The following UBE2K variants were observed in gnomAD, a reference collection of about 807,000 sequenced individuals.
UBE2K encodes the protein ubiquitin conjugating enzyme E2 K.
A neutral mutation model predicts 30.0 loss-of-function variants in UBE2K; 6 were observed. The observed-to-expected ratio is 0.20, with a 90% confidence interval of 0.11 to 0.39. The LOEUF (loss-of-function observed/expected upper bound fraction) is 0.39. Ranked by LOEUF, UBE2K falls within the 10% of genes least tolerant of loss-of-function variation. UBE2K has a pLI of 1.00. For synonymous variants in UBE2K, 86 were observed against 83.7 expected, an observed-to-expected ratio of 1.03 and a Z score of -0.15; for missense variants, 61 against 241.6, an observed-to-expected ratio of 0.25 and a Z score of 4.96.
chr4:39,721,085 C>T (rs1719396220), intron 1 of UBE2K, among the ~76,000 whole-genome samples: 1 of 152,142 alleles, frequency 6.6e-6, no homozygotes, highest in African/African-American at 2.4e-5. Context: ...ATGGACTGTC[C>T]TACGACTGTT....
intron 1 of UBE2K, among the ~76,000 whole-genome samples, chr4:39,698,656 A>T (rs1261068218): frequency 2.0e-5 from 3 of 151,832 alleles, no homozygotes; most frequent in African/African-American, 7.3e-5. Flanking sequence ...CCTCGGAGGG[A>T]TGGAAGCTCA....
intron 4 of UBE2K, among the ~76,000 whole-genome samples, chr4:39,768,178 C>T (rs377018721): frequency 6.6e-6 from 1 of 151,492 alleles, no homozygotes; most frequent in Non-Finnish European, 1.5e-5. Context: ...GTGTCTTACA[C>T]CTGTAATCCC....
chr4:39,778,560 A>C lies in UBE2K; in HGVS notation c.*126A>C. 1 of 512,926 alleles carries C rather than the reference A, an allele frequency of 1.9e-6. No homozygotes were observed. The highest frequency in any genetic ancestry group is 3.4e-6 in the Non-Finnish European group (1 of 294,260). The allele number at this position is 512,926 out of a possible 1,614,324, so 31.8% of individuals were successfully genotyped here. On this transcript the variant is annotated 3_prime_UTR_variant, in exon 7 of 7. Transcript: ENST00000261427. Reference sequence around the variant, plus strand: ...TCTTGCCTAATGATGTTATCTAGGCACCATTGGAGACTGAAAAAAAAAAAT... The same window carrying C: ...TCTTGCCTAATGATGTTATCTAGGCCCCATTGGAGACTGAAAAAAAAAAAT...
chr4:39,726,635 T>TC (rs1719768161), intron 1 of UBE2K, among the ~76,000 whole-genome samples: 1 of 152,086 alleles, frequency 6.6e-6, no homozygotes, highest in Non-Finnish European at 1.5e-5. Flanking sequence ...TCTCACTGTC[T>TC]CCCAGGCTGG....
At chr4:39,716,274 GTCTA>G (rs1366180075) in intron 1 of UBE2K, among the ~76,000 whole-genome samples, 1 of 152,126 alleles carries the variant, frequency 6.6e-6, no homozygotes, top group South Asian at 2.1e-4. Context: ...GTGTCTGTCT[GTCTA>G]TCTATCATCC....
rs116677380 is a variant in UBE2K, at chr4:39,726,904, G to A, written c.64-10516G>A. Among the ~76,000 whole-genome samples, 257 of 152,162 alleles carry A rather than the reference G, an allele frequency of 1.7e-3. 2 individuals carry two copies. Among genetic ancestry groups the A allele is most frequent in the African/African-American group, 6.0e-3 (247 of 41,508 alleles). On this transcript the variant is annotated intron_variant, in intron 1 of 6. Transcript: ENST00000261427. ...GAGCCAATGTACCTGTCCCCTTCTAGATTATTTTGAAACAAATCTTCTGAG... is the reference window on the plus strand; with the variant it reads ...GAGCCAATGTACCTGTCCCCTTCTAAATTATTTTGAAACAAATCTTCTGAG...
At position 39,770,651 on chromosome 4, in the gene UBE2K, C is replaced by T. The variant is rs116715456; in HGVS notation, c.300-4183C>T. On this transcript the variant is annotated intron_variant, in intron 4 of 6. Transcript: ENST00000261427. ...CGTTCTCCGACAGGCTATAGCAGGCCTTCACCACACCCTGCGGTGGGGCCA... is the reference window on the plus strand; with the variant it reads ...CGTTCTCCGACAGGCTATAGCAGGCTTTCACCACACCCTGCGGTGGGGCCA... 5.4e-3 allele frequency: 8,670 copies of T among 1,592,216 alleles called. 46 individuals are homozygous for T. The highest frequency in any genetic ancestry group is 6.9e-3 in the Non-Finnish European group (8,092 of 1,170,258).
At position 39,771,330 on chromosome 4, in the gene UBE2K, G is replaced by T. The variant is rs1034234898; in HGVS notation, c.300-3504G>T. On this transcript the variant is annotated intron_variant, in intron 4 of 6. Coordinates refer to ENST00000261427, the MANE Select transcript of UBE2K (RefSeq NM_005339.5). Reference sequence around the variant, plus strand: ...GAAACTTGAGGCTGTCGGCCACAATGGTCACGTCGCAGAACCACTCCTCTG... The same window carrying T: ...GAAACTTGAGGCTGTCGGCCACAATTGTCACGTCGCAGAACCACTCCTCTG... The T allele has an allele frequency of 1.2e-5, 20 of 1,612,382 alleles. No homozygotes were observed. The South Asian group carries it at 2.0e-4, about 16-fold the overall frequency.
chr4:39,729,689 A>G (rs1332543027), intron 1 of UBE2K, among the ~76,000 whole-genome samples: 3 of 152,138 alleles, frequency 2.0e-5, no homozygotes, highest in South Asian at 2.1e-4. Context: ...CAACACTTCA[A>G]ATTTTTATTA....
At chr4:39,747,483 G>A (rs1453364399) in intron 3 of UBE2K, among the ~76,000 whole-genome samples, 1 of 152,154 alleles carries the variant, frequency 6.6e-6, no homozygotes, top group Non-Finnish European at 1.5e-5. Context: ...CTAGCATAAT[G>A]TCATCAAGGT....
chr4:39,734,330 C>CAGA (rs1372168836), intron 1 of UBE2K, among the ~76,000 whole-genome samples: 7 of 152,218 alleles, frequency 4.6e-5, no homozygotes, highest in Admixed American at 4.6e-4. Flanking sequence ...CTGCCTTGGC[C>CAGA]TCCCAAACTG....
chr4:39,749,639 A>C (rs1721152475), intron 3 of UBE2K, among the ~76,000 whole-genome samples: 1 of 152,142 alleles, frequency 6.6e-6, no homozygotes, highest in East Asian at 1.9e-4. Flanking sequence ...AGATCATGCC[A>C]CTGCACTGCA....
chr4:39,729,267 G>A (rs752698506), intron 1 of UBE2K, among the ~76,000 whole-genome samples: 15 of 151,892 alleles, frequency 9.9e-5, no homozygotes, highest in East Asian at 5.8e-4. Flanking sequence ...CATGGCGCCC[G>A]GTCTTTCCTA....
chr4:39,732,943 T>C (rs1211540572), intron 1 of UBE2K, among the ~76,000 whole-genome samples: 1 of 151,342 alleles, frequency 6.6e-6, no homozygotes, highest in African/African-American at 2.4e-5. Context: ...CCTAGAGTAC[T>C]GGAATTACAG....
At chr4:39,767,418 G>T (rs927977032) in intron 4 of UBE2K, among the ~76,000 whole-genome samples, 9 of 151,690 alleles carry the variant, frequency 5.9e-5, no homozygotes, top group Middle Eastern at 3.4e-3. Context: ...CTGCCTCCCG[G>T]ATTCACGCCA....
intron 1 of UBE2K, among the ~76,000 whole-genome samples, chr4:39,708,476 C>A (rs749813870): frequency 5.3e-5 from 8 of 151,982 alleles, no homozygotes; most frequent in Non-Finnish European, 8.8e-5. Flanking sequence ...CAGACCCTTC[C>A]CAGTACCATG....
At chr4:39,772,831 G>A (rs1712992310) in intron 4 of UBE2K, among the ~76,000 whole-genome samples, 2 of 151,618 alleles carry the variant, frequency 1.3e-5, no homozygotes, top group African/African-American at 2.4e-5. Flanking sequence ...GGGATTACAG[G>A]CACATGCCAC....
At chr4:39,702,926 A>C (rs945546088) in intron 1 of UBE2K, among the ~76,000 whole-genome samples, 2 of 152,034 alleles carry the variant, frequency 1.3e-5, no homozygotes, top group Admixed American at 6.6e-5. Flanking sequence ...GCATGTCCCC[A>C]CTATCTCTTC....
At chr4:39,725,130 C>T (rs1449192437) in intron 1 of UBE2K, among the ~76,000 whole-genome samples, 1 of 151,966 alleles carries the variant, frequency 6.6e-6, no homozygotes, top group Non-Finnish European at 1.5e-5. Flanking sequence ...ATTGTAATCC[C>T]AGCACTTTGG....
Sources: gnomAD v4.1 joint callset for allele counts (sites outside exome capture counted in the v4.1 genomes callset) on GRCh38, gnomAD v4.1.1 for gene constraint, MANE v1.5 for transcripts, NCBI Gene and HGNC (gene_info 2026-07-23, HGNC 2026-07-21) for gene names.